EPHA5: variants seen among roughly 807,000 people sequenced by gnomAD.
EPHA5 encodes ephrin type-A receptor 5.
In EPHA5, 60 loss-of-function variants were observed where a neutral mutation model predicts 105.0. That is an observed-to-expected ratio of 0.57 (90% confidence interval 0.46 to 0.71). The LOEUF is 0.71. EPHA5 is among the 30% of genes least tolerant of loss of function. EPHA5 has a pLI of 0.00. For missense variants in EPHA5, 1,218 were observed against 1,274.7 expected, an observed-to-expected ratio of 0.96 and a Z score of 0.68; for synonymous variants, 513 against 449.1, an observed-to-expected ratio of 1.14 and a Z score of -1.80.
chr4:65,545,363 C>T (rs963443436), intron 3 of EPHA5, among the ~76,000 whole-genome samples: 1 of 151,798 alleles, frequency 6.6e-6, no homozygotes, highest in Non-Finnish European at 1.5e-5. Flanking sequence ...TCCAAAGTAA[C>T]CCATCACTCC....
At chr4:65,559,168 T>A (rs1356986277) in intron 3 of EPHA5, among the ~76,000 whole-genome samples, 1 of 152,172 alleles carries the variant, frequency 6.6e-6, no homozygotes, top group East Asian at 1.9e-4. Flanking sequence ...TTGTGGTAAA[T>A]TTCCCTATTT....
intron 7 of EPHA5, among the ~76,000 whole-genome samples, chr4:65,406,311 C>T (rs1722350472): frequency 6.6e-6 from 1 of 152,146 alleles, no homozygotes. Flanking sequence ...CCTTTGAATT[C>T]CACAGATGAT....
intron 2 of EPHA5, among the ~76,000 whole-genome samples, chr4:65,623,036 TAGTTTA>T (rs1311774429): frequency 1.3e-5 from 2 of 152,118 alleles, no homozygotes; most frequent in Non-Finnish European, 2.9e-5. Context: ...TGGGTTTAGG[TAGTTTA>T]AGTTTATGAA....
chr4:65,537,838 A>T (rs1736433891), intron 3 of EPHA5, among the ~76,000 whole-genome samples: 1 of 151,738 alleles, frequency 6.6e-6, no homozygotes, highest in African/African-American at 2.4e-5. Flanking sequence ...GGTAGAAAAT[A>T]TCCCCATACA....
At chr4:65,361,357 TAG>T (rs1717297599) in intron 11 of EPHA5, among the ~76,000 whole-genome samples, 1 of 151,528 alleles carries the variant, frequency 6.6e-6, no homozygotes, top group Non-Finnish European at 1.5e-5. Context: ...AAGAATAAGG[TAG>T]AGTTTTCCAG....
In EPHA5 at chr4:65,624,887, G is replaced by C. The variant is rs145309924; in HGVS notation, c.246+18476C>G. On this transcript the variant is annotated intron_variant, in intron 2 of 16. Transcript: ENST00000613740. ...GAAATAATCATTGTGCCTAACTCTT[G>C]AAATATTTAAGAGATGAGTGTGCTT... 2.6e-5 allele frequency among the ~76,000 whole-genome samples: 4 copies of C among 152,198 alleles called. No individual in the cohort carries two copies. The East Asian group carries it at 7.7e-4, about 29-fold the overall frequency.
At chr4:65,579,562 T>A (rs898545915) in intron 3 of EPHA5, among the ~76,000 whole-genome samples, 4 of 151,850 alleles carry the variant, frequency 2.6e-5, no homozygotes, top group Admixed American at 1.3e-4. Context: ...TTCCTAATTA[T>A]AAAATTATGA....
At chr4:65,375,325 C>T (rs914786451) in intron 8 of EPHA5, among the ~76,000 whole-genome samples, 1 of 151,616 alleles carries the variant, frequency 6.6e-6, no homozygotes, top group African/African-American at 2.4e-5. Flanking sequence ...GGCAAATACA[C>T]ATGCACATAT....
At chr4:65,391,382 C>G (rs751030093) in intron 8 of EPHA5, among the ~76,000 whole-genome samples, 3 of 152,024 alleles carry the variant, frequency 2.0e-5, no homozygotes, top group Non-Finnish European at 2.9e-5. Context: ...CTATTAGAAA[C>G]ATTTTCTTTT....
At chr4:65,377,141 T>A in intron 8 of EPHA5, 1 of 1,332,354 alleles carries the variant, frequency 7.5e-7, no homozygotes, top group Non-Finnish European at 1.0e-6. Context: ...ACTATGAATT[T>A]ACTCAGGTGT....
At chr4:65,598,596 T>C (rs922371666) in intron 3 of EPHA5, among the ~76,000 whole-genome samples, 1 of 152,120 alleles carries the variant, frequency 6.6e-6, no homozygotes, top group Non-Finnish European at 1.5e-5. Context: ...TATGCAAATA[T>C]AGGTAAAATA....
Position 65,645,404 on chromosome 4 carries a change from G to A in EPHA5, c.182-1977C>T, listed in dbSNP as rs1441365104. Among the ~76,000 whole-genome samples the A allele has an allele frequency of 5.9e-5, 9 of 152,018 alleles. 1 individual carries two copies. Among genetic ancestry groups the A allele is most frequent in the Non-Finnish European group, 1.0e-4 (7 of 67,970 alleles). On this transcript the variant is annotated intron_variant, in intron 1 of 16. Transcript: ENST00000613740. ...CAGCAAACTAAGGGTGCTAATGACG[G>A]CAATCAAATTGAACTTAATCCTTTG...
At chr4:65,349,601 CT>C (rs1722628133) in intron 13 of EPHA5, among the ~76,000 whole-genome samples, 1 of 151,966 alleles carries the variant, frequency 6.6e-6, no homozygotes, top group Non-Finnish European at 1.5e-5. Flanking sequence ...ACTTAAATTG[CT>C]GTTTATGAAC....
At chr4:65,527,473 T>C (rs563579135) in intron 3 of EPHA5, among the ~76,000 whole-genome samples, 1 of 151,988 alleles carries the variant, frequency 6.6e-6, no homozygotes, top group Non-Finnish European at 1.5e-5. Flanking sequence ...TTCAGGATAA[T>C]GTTTACGTTT....
rs1450101014 is a variant in EPHA5, at chr4:65,544,057, C to T, written c.911-48514G>A. Among the ~76,000 whole-genome samples, 4 of 151,970 alleles carry T rather than the reference C, an allele frequency of 2.6e-5. No individual in the cohort carries two copies. The South Asian group carries it at 8.3e-4, about 32-fold the overall frequency. ...TGAAACTGGACCCCTTCTTTACACACCTTATACAAAAGTTAACTCAAGATG... is the reference window on the plus strand; with the variant it reads ...TGAAACTGGACCCCTTCTTTACACATCTTATACAAAAGTTAACTCAAGATG... On this transcript the variant is annotated intron_variant, in intron 3 of 16. Transcript: ENST00000613740.
intron 3 of EPHA5, among the ~76,000 whole-genome samples, chr4:65,587,504 A>G (rs77497532): frequency 0.034 from 5,172 of 152,262 alleles, 286 homozygotes; most frequent in African/African-American, 0.12. Context: ...AAAAGTTCAG[A>G]AATGGATTGA....
intron 5 of EPHA5, among the ~76,000 whole-genome samples, chr4:65,455,494 A>T (rs2149117138): frequency 6.6e-6 from 1 of 152,294 alleles, no homozygotes; most frequent in Non-Finnish European, 1.5e-5. Flanking sequence ...ACTTCTCATA[A>T]GGAACGCTGA....
At chr4:65,544,200 T>G (rs560944602) in intron 3 of EPHA5, among the ~76,000 whole-genome samples, 1 of 151,816 alleles carries the variant, frequency 6.6e-6, no homozygotes, top group South Asian at 2.1e-4. Flanking sequence ...TGAAAGCAAT[T>G]GAAACAAAAG....
In EPHA5 at chr4:65,601,868, A is replaced by G. The variant is rs866176221; in HGVS notation, c.683T>C (p.Val228Ala). Residue 228 changes from valine (V) to alanine (A), a missense_variant, in exon 3 of 17, where the codon GTA becomes GCA. Around this residue, in one of 3 missense-constraint regions of EPHA5, gnomAD observed 971 missense variants for 1,013.5 expected, o/e 0.96. Coordinates refer to ENST00000613740, the MANE Select transcript of EPHA5 (RefSeq NM_001281766.3). ...CACAGAAGGGCATTTTTTATAGTAT[A>G]CACGCACAGAAACCAGAGCAATGCA... Reference protein sequence around the residue: ...GACIALVSVRVYYKKCPSVVR... With the variant: ...GACIALVSVRAYYKKCPSVVR... 3 of 1,614,138 alleles carry G rather than the reference A, an allele frequency of 1.9e-6. No individual in the cohort carries two copies. The highest frequency in any genetic ancestry group is 2.5e-6 in the Non-Finnish European group (3 of 1,180,004).
Sources: gnomAD v4.1 joint callset for allele counts (sites outside exome capture counted in the v4.1 genomes callset) on GRCh38, gnomAD v4.1.1 for gene constraint, gnomAD v4.1.1 regional missense constraint, MANE v1.5 for transcripts, NCBI Gene and HGNC (gene_info 2026-07-23, HGNC 2026-07-21) for gene names.